Variants in XYLB observed in about 807,000 individuals in gnomAD.
XYLB encodes the protein xylulokinase.
Under a neutral mutation model 78.7 loss-of-function variants are expected in XYLB, and 62 were observed. The observed-to-expected ratio is 0.79, with a 90% confidence interval of 0.64 to 0.97. XYLB has a LOEUF of 0.97. Ranked by LOEUF, XYLB falls within the 50% of genes least tolerant of loss-of-function variation. XYLB has a pLI of 0.00. For synonymous variants in XYLB, 245 were observed against 247.4 expected, an observed-to-expected ratio of 0.99 and a Z score of 0.09; for missense variants, 687 against 676.8, an observed-to-expected ratio of 1.02 and a Z score of -0.17.
rs1708705320 is a variant in XYLB at position 38,414,015 on chromosome 3, T to C, written c.*1002T>C. On this transcript the variant is annotated 3_prime_UTR_variant, in exon 19 of 19. Transcript: ENST00000207870. ...TTCCTTCCTCTTTATCCCTCCTGTT[T>C]TACTTTATACCTCTCTATTCCTTGC... 6.6e-6 allele frequency: 1 copy of C among 152,248 alleles called. No homozygotes were observed. Among genetic ancestry groups the C allele is most frequent in the African/African-American group, 2.4e-5 (1 of 41,456 alleles). 9.4% of individuals were successfully genotyped at this position (152,248 alleles called of 1,614,324 possible).
Position 38,363,005 on chromosome 3 carries a change from CG to C in XYLB, c.283del (p.Ala95ArgfsTer18), listed in dbSNP as rs1559579873. On this transcript the variant is annotated frameshift_variant, in exon 4 of 19. Coordinates refer to ENST00000207870, the MANE Select transcript of XYLB (RefSeq NM_005108.4). LOFTEE classifies it high-confidence loss of function. ...ACTTCTCTCAAGTCCTAGCCTTGTC[CG>C]GGGCGGGCCAGGTTCGTTTGCAGCA... Reference protein sequence around the residue: ...FDFSQVLALSGAGQQHGSIYW... With the variant: ...FDFSQVLALSXAGQQHGSIYW... 6.4e-6 allele frequency: 10 copies of C among 1,558,460 alleles called. No homozygotes were observed. The highest frequency in any genetic ancestry group is 1.2e-5 in the South Asian group (1 of 83,688).
chr3:38,400,540 G>C (rs1483224316), intron 17 of XYLB, among the ~76,000 whole-genome samples: 2 of 152,138 alleles, frequency 1.3e-5, no homozygotes, highest in Non-Finnish European at 2.9e-5. Flanking sequence ...CGAGGGGAGA[G>C]AGGAGGGGCA....
chr3:38,377,224 T>C (rs1270917615), intron 14 of XYLB, among the ~76,000 whole-genome samples: 1 of 152,052 alleles, frequency 6.6e-6, no homozygotes, highest in Non-Finnish European at 1.5e-5. Context: ...GAGAGTTCTC[T>C]TCCTATTTAA....
In XYLB at chr3:38,362,962, T is replaced by C. The variant is rs779379270; in HGVS notation, c.236T>C (p.Met79Thr). ...VQALDIILEK[M>T]KASGFDFSQV... ...GCACTGGATATCATCTTGGAGAAGA[T>C]GAAGGCTTCGGGCTTCGACTTCTCT... is the stretch of plus-strand genomic sequence containing the variant. The change falls in exon 4 of 19, where the codon ATG becomes ACG. Residue 79 changes from methionine (M) to threonine (T), a missense_variant. By Grantham distance (81) the Met-to-Thr change is moderately conservative (BLOSUM62 -1). Coordinates refer to ENST00000207870, the MANE Select transcript of XYLB (RefSeq NM_005108.4). 14 of 1,585,890 alleles carry C rather than the reference T, an allele frequency of 8.8e-6. 1 individual carries two copies. The highest frequency in any genetic ancestry group is 8.1e-5 in the African/African-American group (6 of 73,940).
chr3:38,355,777 C>A, intron 2 of XYLB: 1 of 703,630 alleles, frequency 1.4e-6, no homozygotes, highest in Middle Eastern at 2.3e-4. Context: ...CATGACAGAG[C>A]CACCATCAAC....
At chr3:38,448,674 T>G in the XYLB span, among the ~76,000 whole-genome samples, 2 of 152,190 alleles carry the variant, frequency 1.3e-5, no homozygotes, top group African/African-American at 4.8e-5. Context: ...GTTCCTCTGG[T>G]GGGTAGTTAA....
the XYLB span, among the ~76,000 whole-genome samples, chr3:38,441,048 A>C: frequency 1.3e-5 from 2 of 151,114 alleles, no homozygotes; most frequent in South Asian, 4.2e-4. Flanking sequence ...CCCTGCCTCT[A>C]CCAGCCGCTT....
chr3:38,362,485 G>T (rs761487188), intron 3 of XYLB, among the ~76,000 whole-genome samples: 2 of 152,070 alleles, frequency 1.3e-5, no homozygotes, highest in African/African-American at 4.8e-5. Flanking sequence ...TGATCCTCCT[G>T]CCTTGGCCTC....
chr3:38,368,256 T>C lies in XYLB; in HGVS notation c.645T>C (p.Asp215=). 6.2e-7 allele frequency: 1 copy of C among 1,614,132 alleles called. No individual in the cohort carries two copies. The highest frequency in any genetic ancestry group is 8.5e-7 in the Non-Finnish European group (1 of 1,179,974). The part of the protein sequence containing the change: ...LGSYSPIDYS[D]GSGMNLLQIQ... ...CTTACTCCCCTATTGACTACAGTGATGGTGAGCCTCGGGGTATGGGGTGGG... is the reference window on the plus strand; with the variant it reads ...CTTACTCCCCTATTGACTACAGTGACGGTGAGCCTCGGGGTATGGGGTGGG... The change falls in exon 8 of 19, where the codon GAT becomes GAC. Residue 215 remains aspartate (D), a splice_region_variant and synonymous_variant. Transcript: ENST00000207870.
At chr3:38,437,807 C>T in the XYLB span, among the ~76,000 whole-genome samples, 19 of 152,126 alleles carry the variant, frequency 1.2e-4, no homozygotes, top group African/African-American at 3.6e-4. Flanking sequence ...TGCAGTGGCT[C>T]ATGCCTGTAA....
At chr3:38,399,048 C>CA (rs1174392764) in intron 17 of XYLB, among the ~76,000 whole-genome samples, 17 of 151,200 alleles carry the variant, frequency 1.1e-4, no homozygotes, top group African/African-American at 3.9e-4. Flanking sequence ...CATCTCAAAA[C>CA]AAAAAACAAA....
At chr3:38,424,634 C>T (rs1332684654), downstream of XYLB, among the ~76,000 whole-genome samples, 1 of 152,208 alleles carries the variant, frequency 6.6e-6, no homozygotes, top group African/African-American at 2.4e-5. Flanking sequence ...TATACTTCAG[C>T]TCAAAAAGCA....
intron 18 of XYLB, among the ~76,000 whole-genome samples, chr3:38,406,156 G>A (rs1205894256): frequency 3.3e-5 from 5 of 152,204 alleles, no homozygotes; most frequent in Admixed American, 1.3e-4. Flanking sequence ...CAGATTGACA[G>A]CCCACACGGC....
intron 18 of XYLB, among the ~76,000 whole-genome samples, chr3:38,412,650 C>A (rs946712901): frequency 6.6e-6 from 1 of 152,162 alleles, no homozygotes; most frequent in African/African-American, 2.4e-5. Flanking sequence ...ACCAGCTGTG[C>A]AATGAGGCAG....
At chr3:38,402,392 A>G (rs1708155107) in intron 18 of XYLB, among the ~76,000 whole-genome samples, 1 of 152,192 alleles carries the variant, frequency 6.6e-6, no homozygotes, top group Non-Finnish European at 1.5e-5. Context: ...TAGAAACACT[A>G]TGGAGAATTG....
At chr3:38,426,661 A>C in the XYLB span, among the ~76,000 whole-genome samples, 1 of 152,236 alleles carries the variant, frequency 6.6e-6, no homozygotes, top group Non-Finnish European at 1.5e-5. Context: ...GGTCATTTGT[A>C]CATCTGCAAA....
At chr3:38,395,647 C>T (rs1707840774) in intron 16 of XYLB, 84 bp downstream of exon 16, 1 of 1,409,854 alleles carries the variant, frequency 7.1e-7, no homozygotes, top group East Asian at 2.3e-5. Flanking sequence ...GGAAGGACAG[C>T]CTCCATTCCC....
Position 38,372,436 on chromosome 3 carries a change from G to A in XYLB, c.766-219G>A, listed in dbSNP as rs544945866. 5 of 985,336 alleles carry A rather than the reference G, an allele frequency of 5.1e-6. No individual in the cohort carries two copies. In the South Asian group the frequency reaches 2.4e-4, roughly 46 times the overall value. 61.0% of individuals were successfully genotyped at this position (985,336 alleles called of 1,614,324 possible). ...TTTTTGAAATGACCTCATGCTCGTGGTTTCCAAACCTGCACTGGACTTCTC... is the reference window on the plus strand; with the variant it reads ...TTTTTGAAATGACCTCATGCTCGTGATTTCCAAACCTGCACTGGACTTCTC... On this transcript the variant is annotated intron_variant, in intron 9 of 18. Transcript: ENST00000207870.
chr3:38,373,570 G>C (rs1706686566), intron 10 of XYLB, among the ~76,000 whole-genome samples: 1 of 152,166 alleles, frequency 6.6e-6, no homozygotes, highest in Non-Finnish European at 1.5e-5. Context: ...CTGATGGATG[G>C]AGGGTGGTGT....
Sources: gnomAD v4.1 joint callset for allele counts (sites outside exome capture counted in the v4.1 genomes callset) on GRCh38, gnomAD v4.1.1 for gene constraint, MANE v1.5 for transcripts, NCBI Gene and HGNC (gene_info 2026-07-23, HGNC 2026-07-21) for gene names.